The following ZNF469 variants were observed in gnomAD, a reference collection of about 807,000 sequenced individuals.
ZNF469 encodes the protein zinc finger protein 469.
In ZNF469, 1 loss-of-function variant was observed where a neutral mutation model predicts 1.0. That is an observed-to-expected ratio of 1.00 (90% CI 0.35 to 4.73). ZNF469 has a LOEUF of 4.73. ZNF469 is among the 30% of genes most tolerant of loss of function. The probability of loss-of-function intolerance (pLI) is 0.16; values close to 1 mark genes in which losing one functional copy is unlikely to be tolerated. For synonymous variants in ZNF469, 2,703 were observed against 2,363.4 expected (o/e 1.14, Z -4.17); for missense variants, 6,100 against 5,356.3 (o/e 1.14, Z -4.33).
chr16:88,168,928 CT>C, the ZNF469 span, among the ~76,000 whole-genome samples: 46 of 152,218 alleles, frequency 3.0e-4, no homozygotes, highest in East Asian at 2.3e-3. The surrounding 1 kb of genome is among the most constrained non-coding windows in gnomAD (Gnocchi z 4.3). Flanking sequence ...AGACCCCCCC[CT>C]CTACAAAAAA....
intron 1 of ZNF469, among the ~76,000 whole-genome samples, chr16:88,419,740 C>T (rs955057516): frequency 9.2e-5 from 14 of 152,238 alleles, no homozygotes; most frequent in Non-Finnish European, 1.8e-4. Flanking sequence ...CCTGAGAGAC[C>T]CTCACCCAAG....
rs763632522 is a variant in ZNF469 at position 88,431,897 on chromosome 16, G to C, written c.4427G>C (p.Arg1476Thr). The change falls in exon 3 of 3, where the codon AGG (arginine) becomes ACG (threonine). Residue 1476 changes from arginine (R) to threonine (T), a missense_variant. Arg to Thr is a moderately conservative substitution (Grantham distance 71). Transcript: ENST00000565624. ...PPLYGSLSAN[R>T]DSGLPFACAD... The stretch of plus-strand genomic sequence containing the variant: ...CTCTATGGCAGCCTGTCTGCGAACA[G>C]GGACTCCGGTCTGCCGTTCGCATGT... 3 of 1,549,680 alleles carry C rather than the reference G, an allele frequency of 1.9e-6. No homozygotes were observed. In the African/African-American group the frequency reaches 4.1e-5, roughly 21 times the overall value.
At chr16:88,257,262 C>T in the ZNF469 span, among the ~76,000 whole-genome samples, 48,483 of 151,632 alleles carry the variant, frequency 0.32, 8,217 homozygotes, top group Middle Eastern at 0.46. Context: ...CCGTGCCCAG[C>T]CGGGAGCATC....
the ZNF469 span, among the ~76,000 whole-genome samples, chr16:88,367,991 T>A: frequency 6.6e-6 from 1 of 152,090 alleles, no homozygotes; most frequent in African/African-American, 2.4e-5. Context: ...GCACGCCCGA[T>A]CTCAACTCCA....
the ZNF469 span, among the ~76,000 whole-genome samples, chr16:88,331,581 CCACCACCAT>C: frequency 6.6e-6 from 1 of 150,554 alleles, no homozygotes; most frequent in Non-Finnish European, 1.5e-5. Context: ...ACCACCACCA[CCACCACCAT>C]CACCACTATC....
the ZNF469 span, among the ~76,000 whole-genome samples, chr16:88,327,316 G>A: frequency 1.3e-5 from 2 of 152,140 alleles, no homozygotes; most frequent in African/African-American, 2.4e-5. Flanking sequence ...GCCTCGCCAC[G>A]CTGGTCCTCC....
Position 88,434,781 on chromosome 16 carries a change from C to T in ZNF469, c.7311C>T (p.Asp2437=), listed in dbSNP as rs952633502. 2 of 1,550,376 alleles carry T rather than the reference C, an allele frequency of 1.3e-6. No homozygotes were observed. The highest frequency in any genetic ancestry group is 1.7e-6 in the Non-Finnish European group (2 of 1,146,970). The change falls in exon 3 of 3, where the codon GAC becomes GAT. Residue 2437 remains aspartate, a synonymous_variant. Transcript: ENST00000565624. ...CCTCCCACCAGACTCCCCAGGGGGA[C>T]CCCCTCGGCCCCCAAGACCTCAAAC... is the stretch of plus-strand genomic sequence containing the variant. The part of the protein sequence containing the change: ...RNASHQTPQG[D]PLGPQDLKQR...
At chr16:88,141,257 C>T in the ZNF469 span, among the ~76,000 whole-genome samples, 1 of 152,230 alleles carries the variant, frequency 6.6e-6, no homozygotes, top group African/African-American at 2.4e-5. Context: ...TGGACGTCTT[C>T]AGTTACATAA....
chr16:88,305,519 T>G, the ZNF469 span, among the ~76,000 whole-genome samples: 7 of 85,924 alleles, frequency 8.1e-5, no homozygotes, highest in African/African-American at 2.8e-4. Context: ...CTCACACACA[T>G]GCACACACAC....
At chr16:88,327,494 G>C in the ZNF469 span, among the ~76,000 whole-genome samples, 322 of 152,274 alleles carry the variant, frequency 2.1e-3, 3 homozygotes, top group East Asian at 0.014. Context: ...TCTCATCTGC[G>C]GTTCCCAGGG....
the ZNF469 span, among the ~76,000 whole-genome samples, chr16:88,165,447 G>A: frequency 2.0e-5 from 3 of 152,186 alleles, no homozygotes; most frequent in Non-Finnish European, 4.4e-5. Context: ...GGGCTCACTC[G>A]GGCTCAACTT....
the ZNF469 span, among the ~76,000 whole-genome samples, chr16:88,320,167 G>A: frequency 6.6e-6 from 1 of 152,248 alleles, no homozygotes; most frequent in South Asian, 2.1e-4. Flanking sequence ...AACAGGCTGA[G>A]TGCCTTGCAC....
At chr16:88,304,888 C>T in the ZNF469 span, among the ~76,000 whole-genome samples, 1 of 152,196 alleles carries the variant, frequency 6.6e-6, no homozygotes, top group Non-Finnish European at 1.5e-5. Context: ...ACTTGCTTCC[C>T]CTGCAAGAAT....
chr16:88,262,548 C>G, the ZNF469 span, among the ~76,000 whole-genome samples: 1 of 152,168 alleles, frequency 6.6e-6, no homozygotes, highest in South Asian at 2.1e-4. The surrounding 1 kb of genome is among the most constrained non-coding windows in gnomAD (Gnocchi z 4.3). Context: ...TCTGGGGCAG[C>G]TCTGGAAAAG....
chr16:88,118,845 A>G, the ZNF469 span, among the ~76,000 whole-genome samples: 2 of 152,338 alleles, frequency 1.3e-5, no homozygotes, highest in South Asian at 4.1e-4. Context: ...CGGATAAGCA[A>G]TAGAGAATGC....
the ZNF469 span, among the ~76,000 whole-genome samples, chr16:88,253,697 C>G: frequency 6.6e-6 from 1 of 151,738 alleles, no homozygotes; most frequent in Non-Finnish European, 1.5e-5. Flanking sequence ...GCCACCATGC[C>G]TTGGCTAATT....
the ZNF469 span, among the ~76,000 whole-genome samples, chr16:88,184,138 C>T: frequency 1.3e-5 from 2 of 152,002 alleles, no homozygotes; most frequent in Non-Finnish European, 2.9e-5. Flanking sequence ...TGTAAACAGA[C>T]GAGACGACCC....
intron 1 of ZNF469, among the ~76,000 whole-genome samples, chr16:88,416,588 GCCACTTCA>G (rs1365702287): frequency 6.6e-6 from 1 of 152,248 alleles, no homozygotes; most frequent in African/African-American, 2.4e-5. Flanking sequence ...ACTGAAAGAA[GCCACTTCA>G]GACGCCACCA....
At chr16:88,256,906 C>CT in the ZNF469 span, among the ~76,000 whole-genome samples, 2 of 8,048 alleles carry the variant, frequency 2.5e-4, 1 homozygote, top group Admixed American at 2.5e-3. Flanking sequence ...TTCTTTCTTT[C>CT]TTTCTTTCTT....
Sources: gnomAD v4.1 joint callset for allele counts (sites outside exome capture counted in the v4.1 genomes callset) on GRCh38, gnomAD v4.1.1 for gene constraint, Gnocchi (gnomAD v3.1) non-coding constraint, MANE v1.5 for transcripts, NCBI Gene and HGNC (gene_info 2026-07-23, HGNC 2026-07-21) for gene names.